Variants in NUP153 observed in about 807,000 individuals in gnomAD.
The protein encoded by NUP153 is nuclear pore complex protein Nup153.
Under a neutral mutation model 134.6 loss-of-function variants are expected in NUP153, and 27 were observed. The observed-to-expected ratio is 0.20, with a 90% CI of 0.15 to 0.28. NUP153 has a LOEUF of 0.28. Among genes scored for constraint, NUP153 ranks in the 10% least tolerant of loss-of-function variants. The pLI is 1.00. For missense variants in NUP153, 1,821 were observed against 1,731.3 expected, an observed-to-expected ratio of 1.05 and a Z score of -0.92; for synonymous variants, 640 against 623.5, an observed-to-expected ratio of 1.03 and a Z score of -0.40.
rs1000594206 is a variant in NUP153, at chr6:17,690,955, T to C, written c.112-2337A>G. On this transcript the variant is annotated intron_variant, in intron 1 of 21. Coordinates refer to ENST00000262077, the MANE Select transcript of NUP153 (RefSeq NM_005124.4). ...GAGTTCAAGACCAGCCTGACCAATA[T>C]GATGAAACCCCGCCTCTCCTAAAAA... Among the ~76,000 whole-genome samples, 4 of 151,774 alleles carry C rather than the reference T, an allele frequency of 2.6e-5. 1 individual carries two copies. Among genetic ancestry groups the C allele is most frequent in the African/African-American group, 9.7e-5 (4 of 41,304 alleles).
At chr6:17,622,526 TG>T (rs1764699282) in intron 20 of NUP153, among the ~76,000 whole-genome samples, 1 of 152,214 alleles carries the variant, frequency 6.6e-6, no homozygotes, top group African/African-American at 2.4e-5. Context: ...GTTATAGAAC[TG>T]AGAACCTCAA....
rs529922198 is a variant in NUP153 at position 17,698,793 on chromosome 6, C to T, written c.111+7484G>A. On this transcript the variant is annotated intron_variant, in intron 1 of 21. Coordinates refer to ENST00000262077, the MANE Select transcript of NUP153 (RefSeq NM_005124.4). ...CTGAAGCAGGAGAATCACTTGAATCCCAGAGCGGGGCGGAGGTTGCAGTGA... is the reference window on the plus strand; with the variant it reads ...CTGAAGCAGGAGAATCACTTGAATCTCAGAGCGGGGCGGAGGTTGCAGTGA... Among the ~76,000 whole-genome samples the T allele has an allele frequency of 1.0e-3, 157 of 150,664 alleles. 1 individual carries two copies. The highest frequency in any genetic ancestry group is 3.4e-3 in the African/African-American group (138 of 41,006).
chr6:17,663,437 T>A (rs1415846251), intron 9 of NUP153, among the ~76,000 whole-genome samples: 1 of 152,056 alleles, frequency 6.6e-6, no homozygotes, highest in Non-Finnish European at 1.5e-5. Flanking sequence ...CTAATTTTTT[T>A]ATTTCTTCTA....
At chr6:17,687,958 C>A (rs550014120) in intron 2 of NUP153, among the ~76,000 whole-genome samples, 22 of 151,314 alleles carry the variant, frequency 1.5e-4, no homozygotes, top group Admixed American at 1.4e-3. Flanking sequence ...ATAAAAAATA[C>A]CAAAAAAAAA....
chr6:17,689,255 C>T lies in NUP153; in HGVS notation c.112-637G>A, dbSNP rs576152250. Among the ~76,000 whole-genome samples, 295 of 151,512 alleles carry T rather than the reference C, an allele frequency of 1.9e-3. 2 individuals carry two copies. Among genetic ancestry groups the T allele is most frequent in the Middle Eastern group, 0.01 (3 of 294 alleles). On this transcript the variant is annotated intron_variant, in intron 1 of 21. Coordinates refer to ENST00000262077, the MANE Select transcript of NUP153 (RefSeq NM_005124.4). ...ACAAAAAATTAGCAGGGCATGGTGG[C>T]GCATGCCTATAATCCCAGCTACTCA...
intron 8 of NUP153, among the ~76,000 whole-genome samples, chr6:17,666,109 G>A (rs1767520550): frequency 6.6e-6 from 1 of 151,746 alleles, no homozygotes. Context: ...TTACAGGCAT[G>A]AGCCACTGCA....
At chr6:17,676,769 T>C (rs1416680222) in intron 2 of NUP153, among the ~76,000 whole-genome samples, 2 of 152,142 alleles carry the variant, frequency 1.3e-5, no homozygotes, top group South Asian at 4.1e-4. Context: ...AACAGAGACC[T>C]AGAGTCAAGT....
At chr6:17,631,795 G>A (rs1252731786) in intron 17 of NUP153, among the ~76,000 whole-genome samples, 5 of 151,972 alleles carry the variant, frequency 3.3e-5, no homozygotes, top group Admixed American at 1.3e-4. Flanking sequence ...TGAAACCCCC[G>A]TCTCTACTAA....
At chr6:17,687,592 G>A (rs1021388935) in intron 2 of NUP153, among the ~76,000 whole-genome samples, 1 of 151,974 alleles carries the variant, frequency 6.6e-6, no homozygotes. Context: ...TTTCATTATC[G>A]CTATTTTTTA....
chr6:17,666,456 A>G (rs1430908630), intron 8 of NUP153, among the ~76,000 whole-genome samples: 3 of 152,110 alleles, frequency 2.0e-5, no homozygotes, highest in African/African-American at 7.2e-5. Flanking sequence ...AGAGCTTTCA[A>G]TGGGCCGAGA....
chr6:17,657,488 C>T (rs936057800), intron 11 of NUP153, among the ~76,000 whole-genome samples: 1 of 151,864 alleles, frequency 6.6e-6, no homozygotes, highest in African/African-American at 2.4e-5. Flanking sequence ...CACTTGAACT[C>T]AGGAGGTGGA....
intron 1 of NUP153, among the ~76,000 whole-genome samples, chr6:17,699,665 G>C (rs772094251): frequency 2.6e-5 from 4 of 151,780 alleles, no homozygotes; most frequent in Non-Finnish European, 4.4e-5. Context: ...GTGAAACCCC[G>C]TGTCTACTAA....
intron 9 of NUP153, among the ~76,000 whole-genome samples, chr6:17,663,832 A>G (rs1767348203): frequency 6.6e-6 from 1 of 152,210 alleles, no homozygotes; most frequent in South Asian, 2.1e-4. Context: ...AACCCAGATT[A>G]TGGGACATTT....
chr6:17,656,988 A>C (rs1474714312), intron 11 of NUP153, among the ~76,000 whole-genome samples: 1 of 152,222 alleles, frequency 6.6e-6, no homozygotes, highest in Non-Finnish European at 1.5e-5. Flanking sequence ...AGAGGGCTTT[A>C]GCAAGCTGTT....
At chr6:17,697,340 G>A (rs537985143) in intron 1 of NUP153, among the ~76,000 whole-genome samples, 6 of 152,284 alleles carry the variant, frequency 3.9e-5, no homozygotes, top group South Asian at 2.1e-4. Context: ...AACATTCAAC[G>A]TATAAGGTAT....
At chr6:17,644,165 T>G (rs1230036714) in intron 14 of NUP153, among the ~76,000 whole-genome samples, 8 of 152,212 alleles carry the variant, frequency 5.3e-5, no homozygotes, top group African/African-American at 1.9e-4. Context: ...TTCTTTAGCT[T>G]CTATGTCCTG....
chr6:17,675,187 C>T lies in NUP153; in HGVS notation c.723+42G>A. ...AAAAAAAAATTATAAGCAATAAACA[C>T]TCAAAACTAATGTGATTAAATCCAA... On this transcript the variant is annotated intron_variant, in intron 4 of 21. Transcript: ENST00000262077. This position sits in a 1 kb window ranked among gnomAD's most constrained non-coding sequence, Gnocchi z 4.4. 1 of 1,594,640 alleles carries T rather than the reference C, an allele frequency of 6.3e-7. No individual in the cohort carries two copies. The highest frequency in any genetic ancestry group is 1.2e-5 in the South Asian group (1 of 86,922).
intron 10 of NUP153, 116 bp from the exon 11 acceptor site, chr6:17,661,895 T>A: frequency 1.3e-5 from 17 of 1,283,550 alleles, no homozygotes; most frequent in Non-Finnish European, 1.9e-5. Flanking sequence ...TTCTAAAATC[T>A]TAGATTTCTT....
At chr6:17,619,908 G>C (rs1481921242) in intron 20 of NUP153, among the ~76,000 whole-genome samples, 1 of 151,928 alleles carries the variant, frequency 6.6e-6, no homozygotes, top group Non-Finnish European at 1.5e-5. Flanking sequence ...GACCAGCGTG[G>C]CCAACATGGC....
Sources: allele counts gnomAD v4.1 joint callset (sites outside exome capture counted in the v4.1 genomes callset), GRCh38; gene constraint gnomAD v4.1.1; non-coding constraint Gnocchi (gnomAD v3.1); transcripts MANE v1.5; gene names NCBI Gene and HGNC (gene_info 2026-07-23, HGNC 2026-07-21).